The following TMEM74 variants were observed in gnomAD, a reference collection of about 807,000 sequenced individuals.
TMEM74 encodes the protein transmembrane protein 74.
In TMEM74, 13 loss-of-function variants were observed where a neutral mutation model predicts 18.1. The ratio of observed to expected loss-of-function variants is 0.72; its 90% confidence interval spans 0.47 to 1.14. TMEM74 has a LOEUF of 1.14. TMEM74 is among the 50% of genes most tolerant of loss of function. The probability of loss-of-function intolerance (pLI) is 0.00; values close to 1 mark genes in which losing one functional copy is unlikely to be tolerated. For missense variants in TMEM74, 372 were observed against 375.9 expected (o/e 0.99, Z 0.09); for synonymous variants, 159 against 146.6 (o/e 1.08, Z -0.61).
At chr8:108,621,818 TA>T (rs1376883417) in intron 2 of TMEM74, among the ~76,000 whole-genome samples, 1 of 152,096 alleles carries the variant, frequency 6.6e-6, no homozygotes, top group Non-Finnish European at 1.5e-5. Flanking sequence ...ATGGTAATAA[TA>T]AAACCTACCT....
chr8:108,690,193 G>A (rs1813211329), intron 1 of TMEM74, among the ~76,000 whole-genome samples: 1 of 152,028 alleles, frequency 6.6e-6, no homozygotes, highest in African/African-American at 2.4e-5. Context: ...AGGCTTAATT[G>A]AAATTCATCA....
intron 1 of TMEM74, among the ~76,000 whole-genome samples, chr8:108,755,388 A>G (rs1461804007): frequency 6.6e-6 from 1 of 152,136 alleles, no homozygotes; most frequent in Non-Finnish European, 1.5e-5. Flanking sequence ...TATCGCTTTC[A>G]GCTGCTAGGT....
intron 2 of TMEM74, among the ~76,000 whole-genome samples, chr8:108,625,385 C>A (rs1472425440): frequency 6.6e-6 from 1 of 151,996 alleles, no homozygotes; most frequent in South Asian, 2.1e-4. Context: ...TATAGTCATG[C>A]GATGAGATCA....
At chr8:108,688,052 G>C (rs1813189070) in intron 1 of TMEM74, among the ~76,000 whole-genome samples, 1 of 152,138 alleles carries the variant, frequency 6.6e-6, no homozygotes, top group African/African-American at 2.4e-5. Context: ...ATTTCAAAAT[G>C]TGCTTAAGTT....
chr8:108,750,075 A>G (rs1497632), intron 1 of TMEM74, among the ~76,000 whole-genome samples: 59,870 of 151,818 alleles, frequency 0.39, 12,402 homozygotes, highest in African/African-American at 0.52. Flanking sequence ...TTTCAGCAGC[A>G]TTTTCAAAAT....
chr8:108,692,829 T>C (rs1813244302), intron 1 of TMEM74, among the ~76,000 whole-genome samples: 1 of 152,172 alleles, frequency 6.6e-6, no homozygotes, highest in Non-Finnish European at 1.5e-5. Flanking sequence ...GCATGATAAT[T>C]GCCTGTTAGT....
chr8:108,769,069 G>A (rs544138743), intron 1 of TMEM74, among the ~76,000 whole-genome samples: 11 of 151,982 alleles, frequency 7.2e-5, no homozygotes, highest in Non-Finnish European at 7.4e-5. Flanking sequence ...TTGGGAGGCC[G>A]AGGTGGGTGG....
At chr8:108,752,608 G>T (rs763720686) in intron 1 of TMEM74, among the ~76,000 whole-genome samples, 1 of 151,958 alleles carries the variant, frequency 6.6e-6, no homozygotes, top group African/African-American at 2.4e-5. Context: ...CAACCTAATT[G>T]CATGATTTCA....
chr8:108,630,486 A>G (rs1398688409), intron 2 of TMEM74, among the ~76,000 whole-genome samples: 1 of 152,092 alleles, frequency 6.6e-6, no homozygotes, highest in Non-Finnish European at 1.5e-5. Context: ...GACCTAATAG[A>G]CATGTACAGA....
chr8:108,692,642 C>T (rs1813242176), intron 1 of TMEM74, among the ~76,000 whole-genome samples: 1 of 152,058 alleles, frequency 6.6e-6, no homozygotes, highest in South Asian at 2.1e-4. Flanking sequence ...ATCAATAGTA[C>T]TCTGAAATTA....
chr8:108,718,880 A>G (rs1472002398), intron 1 of TMEM74, among the ~76,000 whole-genome samples: 1 of 151,968 alleles, frequency 6.6e-6, no homozygotes, highest in Non-Finnish European at 1.5e-5. Context: ...TAAAACAATC[A>G]GAAAAAAAGC....
intron 2 of TMEM74, among the ~76,000 whole-genome samples, chr8:108,640,260 G>A (rs1812650867): frequency 6.6e-6 from 1 of 150,968 alleles, no homozygotes; most frequent in South Asian, 2.1e-4. Flanking sequence ...AGCCTCCTGA[G>A]TAGCTGGGAT....
At chr8:108,636,807 A>G (rs1450213222) in intron 2 of TMEM74, among the ~76,000 whole-genome samples, 2 of 151,978 alleles carry the variant, frequency 1.3e-5, no homozygotes, top group Non-Finnish European at 2.9e-5. Context: ...AAAGAAGTGA[A>G]AGTGCTTTGA....
intron 2 of TMEM74, among the ~76,000 whole-genome samples, chr8:108,644,747 A>T (rs1812700373): frequency 6.6e-6 from 1 of 152,208 alleles, no homozygotes; most frequent in Non-Finnish European, 1.5e-5. Context: ...ACATATGAAA[A>T]AAATGCTGTA....
intron 1 of TMEM74, among the ~76,000 whole-genome samples, chr8:108,772,248 A>G (rs1814181508): frequency 6.6e-6 from 1 of 151,722 alleles, no homozygotes; most frequent in African/African-American, 2.4e-5. Flanking sequence ...TCCTTTAGAG[A>G]GTTTTTTCTT....
chr8:108,760,737 A>G (rs1814034263), intron 1 of TMEM74, among the ~76,000 whole-genome samples: 1 of 151,976 alleles, frequency 6.6e-6, no homozygotes, highest in Admixed American at 6.6e-5. Flanking sequence ...GGGTGTCATT[A>G]CCTGGAGAGG....
intron 2 of TMEM74, chr8:108,626,736 A>G (rs1563735274): frequency 6.6e-6 from 1 of 152,150 alleles, no homozygotes; most frequent in East Asian, 1.9e-4. Flanking sequence ...AATGTATGCT[A>G]TAAAAATTCA....
chr8:108,628,986 G>GT (rs911321632), intron 2 of TMEM74, among the ~76,000 whole-genome samples: 41 of 151,902 alleles, frequency 2.7e-4, no homozygotes, highest in African/African-American at 8.4e-4. Context: ...GGTGTTGTTT[G>GT]TTTTTTTCTT....
At chr8:108,651,008 GC>G (rs914769588) in intron 2 of TMEM74, among the ~76,000 whole-genome samples, 1 of 152,080 alleles carries the variant, frequency 6.6e-6, no homozygotes, top group African/African-American at 2.4e-5. Flanking sequence ...ACCACACCTC[GC>G]TCACTGAGGC....
Sources: allele counts gnomAD v4.1 joint callset (sites outside exome capture counted in the v4.1 genomes callset), GRCh38; gene constraint gnomAD v4.1.1; transcripts MANE v1.5; gene names NCBI Gene and HGNC (gene_info 2026-07-23, HGNC 2026-07-21).